Variants in PRIM2 observed in about 807,000 individuals in gnomAD.
PRIM2 encodes the protein DNA primase large subunit.
In PRIM2, 39 loss-of-function variants were observed where a neutral mutation model predicts 67.3. The observed-to-expected ratio is 0.58, with a 90% CI of 0.45 to 0.76. The LOEUF is 0.76. PRIM2 is among the 30% of genes least tolerant of loss of function. PRIM2 has a pLI of 0.00. For missense variants in PRIM2, 398 were observed against 598.7 expected, an observed-to-expected ratio of 0.66 and a Z score of 3.50; for synonymous variants, 143 against 198.7, an observed-to-expected ratio of 0.72 and a Z score of 2.36.
chr6:57,467,105 CA>C (rs1268292523), intron 7 of PRIM2, among the ~76,000 whole-genome samples: 2,014 of 94,266 alleles, frequency 0.021, 65 homozygotes, highest in African/African-American at 0.077. Flanking sequence ...AACTCCATCT[CA>C]AAAAAAAAAA....
chr6:57,225,271 T>C, the PRIM2 span, among the ~76,000 whole-genome samples: 1 of 152,234 alleles, frequency 6.6e-6, no homozygotes, highest in African/African-American at 2.4e-5. Flanking sequence ...TGCAGGCTTC[T>C]GCTACTGAAC....
chr6:57,470,664 A>G (rs1773316599), intron 7 of PRIM2, among the ~76,000 whole-genome samples: 1 of 151,776 alleles, frequency 6.6e-6, no homozygotes, highest in South Asian at 2.1e-4. Context: ...GTATTAAATA[A>G]TTGTATGTAG....
Position 57,494,340 on chromosome 6 carries a change from C to G in PRIM2, c.694-13047C>G, listed in dbSNP as rs1554346214. On this transcript the variant is annotated intron_variant, in intron 7 of 13. Transcript: ENST00000615550. ...ATTGTTTTTTAAAAAACTTATGCAA[C>G]CAGGTAAGGGTTTTTTCACTTTTAG... Among the ~76,000 whole-genome samples, 16 of 152,186 alleles carry G rather than the reference C, an allele frequency of 1.1e-4. No individual in the cohort carries two copies. In the East Asian group the frequency reaches 2.5e-3, roughly 24 times the overall value.
At chr6:57,492,291 C>T (rs1554346029) in intron 7 of PRIM2, among the ~76,000 whole-genome samples, 5 of 152,082 alleles carry the variant, frequency 3.3e-5, no homozygotes, top group Non-Finnish European at 5.9e-5. Flanking sequence ...ACCTGTAATC[C>T]CAGCACTTTG....
intron 10 of PRIM2, among the ~76,000 whole-genome samples, chr6:57,590,615 G>A (rs1426144009): frequency 6.6e-6 from 1 of 152,180 alleles, no homozygotes; most frequent in Non-Finnish European, 1.5e-5. Context: ...GGGTGGCAGT[G>A]AGGAATTTGA....
chr6:57,642,418 T>A (rs1246731446), intron 13 of PRIM2, among the ~76,000 whole-genome samples: 1,492 of 145,338 alleles, frequency 0.01, 25 homozygotes, highest in African/African-American at 0.036. Context: ...GATATGCACA[T>A]ACCTTAAATA....
At chr6:57,313,498 G>A (rs1232235918), upstream of PRIM2, among the ~76,000 whole-genome samples, 4 of 152,104 alleles carry the variant, frequency 2.6e-5, no homozygotes, top group Admixed American at 6.5e-5. Flanking sequence ...TTTCTTCACC[G>A]TGCTACCATT....
intron 8 of PRIM2, among the ~76,000 whole-genome samples, chr6:57,520,628 A>G (rs2127464026): frequency 6.6e-6 from 1 of 152,304 alleles, no homozygotes; most frequent in East Asian, 1.9e-4. Flanking sequence ...GTATGTGTGT[A>G]TTTTACTTTT....
chr6:57,244,230 G>A, the PRIM2 span, among the ~76,000 whole-genome samples: 3 of 152,070 alleles, frequency 2.0e-5, no homozygotes, highest in South Asian at 2.1e-4. Flanking sequence ...TTTATTTGCC[G>A]GAAGCTGGGC....
the PRIM2 span, among the ~76,000 whole-genome samples, chr6:57,281,067 G>C: frequency 6.6e-6 from 1 of 152,078 alleles, no homozygotes; most frequent in African/African-American, 2.4e-5. Flanking sequence ...CTGTGCTTGT[G>C]TTATTTCACT....
chr6:57,294,820 T>G, the PRIM2 span, among the ~76,000 whole-genome samples: 26 of 151,944 alleles, frequency 1.7e-4, no homozygotes, highest in African/African-American at 5.8e-4. Flanking sequence ...ATGACTTTTT[T>G]TTTTTTTGAG....
chr6:57,446,774 G>A (rs926328319), intron 7 of PRIM2, among the ~76,000 whole-genome samples: 20 of 152,110 alleles, frequency 1.3e-4, no homozygotes, highest in Non-Finnish European at 1.8e-4. Flanking sequence ...GGTGAGTTGC[G>A]AGTCAGCTGG....
At chr6:57,456,432 G>A (rs200616355) in intron 7 of PRIM2, among the ~76,000 whole-genome samples, 3 of 152,064 alleles carry the variant, frequency 2.0e-5, no homozygotes, top group Admixed American at 2.0e-4. Flanking sequence ...CCAATCACAC[G>A]TAGATTTGGT....
At chr6:57,628,112 G>C (rs1776984111) in intron 12 of PRIM2, among the ~76,000 whole-genome samples, 1 of 152,278 alleles carries the variant, frequency 6.6e-6, no homozygotes, top group East Asian at 1.9e-4. Context: ...TTTGTGAGCT[G>C]TGGGTTAGAC....
At chr6:57,255,455 G>T in the PRIM2 span, among the ~76,000 whole-genome samples, 15 of 148,494 alleles carry the variant, frequency 1.0e-4, no homozygotes, top group Admixed American at 4.1e-4. Flanking sequence ...CTGAGATCCC[G>T]CCACTGCACT....
chr6:57,496,426 A>C (rs1463523587), intron 7 of PRIM2, among the ~76,000 whole-genome samples: 3 of 152,160 alleles, frequency 2.0e-5, no homozygotes, highest in Non-Finnish European at 4.4e-5. Context: ...TATGAAACCC[A>C]CTATTCAGTC....
intron 7 of PRIM2, among the ~76,000 whole-genome samples, chr6:57,387,241 T>G (rs2397251): frequency 1.1e-4 from 16 of 152,218 alleles, no homozygotes; most frequent in Non-Finnish European, 1.9e-4. Context: ...TTCAAATTTT[T>G]ATCTGGTATA....
At chr6:57,607,953 G>T (rs1776592053) in intron 12 of PRIM2, among the ~76,000 whole-genome samples, 1 of 151,986 alleles carries the variant, frequency 6.6e-6, no homozygotes, top group Non-Finnish European at 1.5e-5. Context: ...GCATAGGTAG[G>T]AAGTCAGTGG....
intron 3 of PRIM2, 127 bp downstream of exon 3, chr6:57,320,687 G>A (rs1195539237): frequency 3.4e-6 from 2 of 591,694 alleles, no homozygotes; most frequent in South Asian, 4.2e-5. Context: ...TAGCCTGAAG[G>A]TTCTTCAGTG....
Sources: gnomAD v4.1 joint callset for allele counts (sites outside exome capture counted in the v4.1 genomes callset) on GRCh38, gnomAD v4.1.1 for gene constraint, MANE v1.5 for transcripts, NCBI Gene and HGNC (gene_info 2026-07-23, HGNC 2026-07-21) for gene names.